The following KAZN variants were observed in gnomAD, a reference collection of about 807,000 sequenced individuals.
KAZN encodes the protein kazrin, periplakin interacting protein.
KAZN carries 40 observed loss-of-function variants against 87.4 expected under a neutral mutation model. The observed-to-expected ratio is 0.46, with a 90% CI of 0.36 to 0.60. The LOEUF (loss-of-function observed/expected upper bound fraction) is 0.60, where lower values mean the gene tolerates loss of function less well. Ranked by LOEUF, KAZN falls within the 20% of genes least tolerant of loss-of-function variation. KAZN has a pLI of 0.00. For synonymous variants in KAZN, 466 were observed against 458.3 expected (o/e 1.02, Z -0.22); for missense variants, 898 against 1,073.9 (o/e 0.84, Z 2.29).
At chr1:13,928,498 G>A (rs549289081) in intron 1 of KAZN, among the ~76,000 whole-genome samples, 1 of 152,338 alleles carries the variant, frequency 6.6e-6, no homozygotes, top group African/African-American at 2.4e-5. Context: ...TATGGCTTCT[G>A]AAATCATGCT....
At chr1:13,907,666 C>T (rs1639495809) in intron 1 of KAZN, among the ~76,000 whole-genome samples, 1 of 152,164 alleles carries the variant, frequency 6.6e-6, no homozygotes, top group African/African-American at 2.4e-5. Flanking sequence ...ATAGCCCTTC[C>T]ACAAACAACC....
chr1:14,904,635 C>G (rs1656304337), intron 1 of KAZN, among the ~76,000 whole-genome samples: 1 of 152,358 alleles, frequency 6.6e-6, no homozygotes, highest in East Asian at 1.9e-4. Flanking sequence ...CAGGTCTCAC[C>G]ACCAGGTACA....
Position 14,901,085 on chromosome 1 carries a change from C to T in KAZN, c.227-59599C>T, listed in dbSNP as rs189376100. 3.1e-3 allele frequency among the ~76,000 whole-genome samples: 471 copies of T among 152,278 alleles called. 3 individuals carry two copies. Among genetic ancestry groups the T allele is most frequent in the Non-Finnish European group, 2.1e-3 (145 of 68,028 alleles). On this transcript the variant is annotated intron_variant, in intron 1 of 14. Transcript: ENST00000376030. Reference sequence around the variant, plus strand: ...TTACTGTGTGGTAGGGAGAGACATCCGTGAGCATTTAACAAATGATCTCAG... The same window carrying T: ...TTACTGTGTGGTAGGGAGAGACATCTGTGAGCATTTAACAAATGATCTCAG...
At chr1:14,140,366 C>T (rs1337701398) in intron 1 of KAZN, among the ~76,000 whole-genome samples, 2 of 152,068 alleles carry the variant, frequency 1.3e-5, no homozygotes, top group African/African-American at 4.8e-5. Flanking sequence ...GCCTGGCATA[C>T]AGAAAGTGCT....
chr1:14,872,938 A>AGATGGATGGATGGATGGATGGATG (rs143254162), intron 1 of KAZN, among the ~76,000 whole-genome samples: 6 of 146,122 alleles, frequency 4.1e-5, no homozygotes, highest in African/African-American at 1.5e-4. Flanking sequence ...ATGGATGGAT[A>AGATGGATGGATGGATGGATGGATG]GATGGATGGA....
At chr1:14,759,720 C>T (rs1434959915) in intron 1 of KAZN, among the ~76,000 whole-genome samples, 1 of 152,130 alleles carries the variant, frequency 6.6e-6, no homozygotes, top group Non-Finnish European at 1.5e-5. Context: ...TGGAGTCAGA[C>T]GGGGATTGGG....
At chr1:13,956,758 C>T (rs186018529) in intron 1 of KAZN, among the ~76,000 whole-genome samples, 132 of 152,106 alleles carry the variant, frequency 8.7e-4, no homozygotes, top group African/African-American at 5.8e-4. Flanking sequence ...AAACAAAAAC[C>T]GTGGACTTGA....
At chr1:14,114,360 TC>T (rs1644565516) in intron 1 of KAZN, among the ~76,000 whole-genome samples, 1 of 152,046 alleles carries the variant, frequency 6.6e-6, no homozygotes, top group South Asian at 2.1e-4. Context: ...ACCCTGGGGA[TC>T]CCTGGGGAGG....
intron 1 of KAZN, among the ~76,000 whole-genome samples, chr1:14,776,569 A>G (rs1226389122): frequency 6.6e-6 from 1 of 152,110 alleles, no homozygotes; most frequent in Non-Finnish European, 1.5e-5. Context: ...GCAGCCATTT[A>G]TTGTGTCTCT....
chr1:14,696,925 A>G (rs560947143), intron 1 of KAZN, among the ~76,000 whole-genome samples: 10 of 152,244 alleles, frequency 6.6e-5, no homozygotes, highest in East Asian at 5.8e-4. Context: ...AGCTGCCAAC[A>G]GGCGGGGGTC....
At chr1:14,764,387 C>CA (rs1491319731) in intron 1 of KAZN, among the ~76,000 whole-genome samples, 4 of 126,378 alleles carry the variant, frequency 3.2e-5, no homozygotes, top group Admixed American at 7.4e-5. Flanking sequence ...CTCCCCCACA[C>CA]CCCCCCCACA....
intron 4 of KAZN, among the ~76,000 whole-genome samples, chr1:15,050,900 C>T (rs1215571257): frequency 6.6e-6 from 1 of 152,236 alleles, no homozygotes; most frequent in Non-Finnish European, 1.5e-5. Flanking sequence ...CATCAGCTCA[C>T]ACCGGTGCCT....
At chr1:14,425,817 A>G (rs772874740) in intron 2 of KAZN, among the ~76,000 whole-genome samples, 6 of 152,074 alleles carry the variant, frequency 3.9e-5, no homozygotes, top group South Asian at 2.1e-4. Flanking sequence ...AAGTTGCAGG[A>G]TTTATCCCAG....
chr1:14,825,924 C>T (rs1338415625), intron 1 of KAZN, among the ~76,000 whole-genome samples: 1 of 152,222 alleles, frequency 6.6e-6, no homozygotes, highest in East Asian at 1.9e-4. Flanking sequence ...ATCTCCAGCA[C>T]TTAACCCAAG....
chr1:14,457,336 C>T lies in KAZN; in HGVS notation c.250-141647C>T, dbSNP rs532422095. On this transcript the variant is annotated intron_variant, in intron 2 of 16. Coordinates refer to the KAZN transcript ENST00000636203. ...GTTTCTCTTCTCTAAAATACCTGTTCGTTCCTTTCCCAATTTCTCTACCAG... is the reference window on the plus strand; with the variant it reads ...GTTTCTCTTCTCTAAAATACCTGTTTGTTCCTTTCCCAATTTCTCTACCAG... Among the ~76,000 whole-genome samples, 11 of 152,252 alleles carry T rather than the reference C, an allele frequency of 7.2e-5. No homozygotes were observed. In the South Asian group the frequency reaches 2.1e-3, roughly 29 times the overall value.
chr1:14,938,105 C>T (rs888744225), intron 1 of KAZN, among the ~76,000 whole-genome samples: 16 of 152,114 alleles, frequency 1.1e-4, no homozygotes, highest in African/African-American at 3.6e-4. Context: ...GTCATAGAGC[C>T]CCACTGCCTG....
chr1:14,678,935 C>T (rs948738833), intron 1 of KAZN, among the ~76,000 whole-genome samples: 7 of 152,144 alleles, frequency 4.6e-5, no homozygotes, highest in Non-Finnish European at 7.3e-5. Flanking sequence ...AGTGAGGGAA[C>T]CAGAGATTAA....
intron 2 of KAZN, among the ~76,000 whole-genome samples, chr1:14,228,834 A>G (rs879587975): frequency 6.6e-6 from 1 of 152,222 alleles, no homozygotes. Context: ...TGGCCAGCCA[A>G]GGAGGTATCT....
intron 1 of KAZN, among the ~76,000 whole-genome samples, chr1:14,178,863 T>C (rs2100301660): frequency 6.6e-6 from 1 of 152,340 alleles, no homozygotes; most frequent in South Asian, 2.1e-4. Flanking sequence ...ACCTCTTTCA[T>C]GGCTTACTTT....
Sources: gnomAD v4.1 joint callset for allele counts (sites outside exome capture counted in the v4.1 genomes callset) on GRCh38, gnomAD v4.1.1 for gene constraint, MANE v1.5 for transcripts, NCBI Gene and HGNC (gene_info 2026-07-23, HGNC 2026-07-21) for gene names.